RNF180: variants seen among roughly 807,000 people sequenced by gnomAD.
RNF180 encodes the protein ring finger protein 180.
RNF180 carries 38 observed loss-of-function variants against 59.2 expected under a neutral mutation model. That is an observed-to-expected ratio of 0.64 (90% CI 0.50 to 0.84). The LOEUF is 0.84. RNF180 is among the 40% of genes least tolerant of loss of function. The probability of loss-of-function intolerance (pLI) is 0.00; values close to 1 mark genes in which losing one functional copy is unlikely to be tolerated. For missense variants in RNF180, 705 were observed against 700.9 expected (o/e 1.01, Z -0.07); for synonymous variants, 262 against 240.3 (o/e 1.09, Z -0.84).
intron 5 of RNF180, among the ~76,000 whole-genome samples, chr5:64,298,045 C>T (rs998209393): frequency 1.3e-5 from 2 of 151,784 alleles, no homozygotes; most frequent in Admixed American, 6.6e-5. Context: ...TGATCTTCTC[C>T]CTCCTCCCAC....
intron 5 of RNF180, among the ~76,000 whole-genome samples, chr5:64,281,067 T>C (rs1741983949): frequency 6.6e-6 from 1 of 152,214 alleles, no homozygotes; most frequent in African/African-American, 2.4e-5. Flanking sequence ...TGTGTGGTTA[T>C]TGTGAATGGG....
intron 7 of RNF180, among the ~76,000 whole-genome samples, chr5:64,353,704 TAA>T (rs1297694748): frequency 6.6e-6 from 1 of 151,808 alleles, no homozygotes; most frequent in Non-Finnish European, 1.5e-5. Context: ...TCATGCAAGT[TAA>T]AAAGACATCG....
chr5:64,255,812 A>G (rs1285265095), intron 5 of RNF180, among the ~76,000 whole-genome samples: 6 of 152,228 alleles, frequency 3.9e-5, no homozygotes, highest in Admixed American at 3.9e-4. Flanking sequence ...TTACATTCCC[A>G]CAAACAGTGT....
At chr5:64,254,129 A>G (rs1009217469) in intron 5 of RNF180, among the ~76,000 whole-genome samples, 2 of 152,206 alleles carry the variant, frequency 1.3e-5, no homozygotes, top group Non-Finnish European at 2.9e-5. Context: ...ATTCATTCAC[A>G]TAAAAGGTTG....
At chr5:64,225,089 G>A (rs1242475562) in intron 5 of RNF180, among the ~76,000 whole-genome samples, 1 of 152,168 alleles carries the variant, frequency 6.6e-6, no homozygotes, top group Non-Finnish European at 1.5e-5. Context: ...TTTATGTAAA[G>A]CCAGCTTGTT....
At chr5:64,189,108 C>A (rs1751011635) in intron 1 of RNF180, among the ~76,000 whole-genome samples, 2 of 151,926 alleles carry the variant, frequency 1.3e-5, no homozygotes, top group Non-Finnish European at 2.9e-5. Context: ...CAGAAAGAAA[C>A]CCTGCCAATA....
rs1385202569 is a variant in RNF180 at position 64,368,930 on chromosome 5, T to C, written c.1580-685T>C. Among the ~76,000 whole-genome samples the C allele has an allele frequency of 5.9e-5, 9 of 152,160 alleles. No homozygotes were observed. In the East Asian group the frequency reaches 1.7e-3, roughly 30 times the overall value. ...GTCCTCAGGGATCTGGAACTAGAAA[T>C]ACCATTTGACCCAGCCATCCCATTA... On this transcript the variant is annotated intron_variant, in intron 7 of 7. Coordinates refer to ENST00000389100, the MANE Select transcript of RNF180 (RefSeq NM_001113561.2).
At chr5:64,169,857 G>A (rs376796455) in intron 1 of RNF180, among the ~76,000 whole-genome samples, 12 of 152,306 alleles carry the variant, frequency 7.9e-5, no homozygotes, top group East Asian at 3.9e-4. Context: ...AGGCTATTTC[G>A]CGGGATAAAT....
intron 5 of RNF180, among the ~76,000 whole-genome samples, chr5:64,229,067 A>G (rs563658573): frequency 6.6e-6 from 1 of 151,930 alleles, no homozygotes; most frequent in Admixed American, 6.6e-5. Context: ...AACTACAGGC[A>G]CACATCACCA....
intron 5 of RNF180, among the ~76,000 whole-genome samples, chr5:64,271,921 C>T (rs1021441529): frequency 2.0e-5 from 3 of 152,134 alleles, no homozygotes; most frequent in East Asian, 3.9e-4. Flanking sequence ...CCAGCAATAA[C>T]CCTTCCTCTT....
At chr5:64,200,212 C>T (rs1579986346) in intron 1 of RNF180, among the ~76,000 whole-genome samples, 2 of 152,038 alleles carry the variant, frequency 1.3e-5, no homozygotes, top group East Asian at 3.9e-4. Context: ...AGGGGGATTG[C>T]TTGGAAAGCC....
At chr5:64,280,558 G>C (rs769253638) in intron 5 of RNF180, among the ~76,000 whole-genome samples, 1 of 151,954 alleles carries the variant, frequency 6.6e-6, no homozygotes, top group Non-Finnish European at 1.5e-5. Flanking sequence ...TTATTGAATA[G>C]GGAGTCTTTT....
rs544496663 is a variant in RNF180 at position 64,316,631 on chromosome 5, A to G, written c.1228-8555A>G. Among the ~76,000 whole-genome samples, 5 of 152,320 alleles carry G rather than the reference A, an allele frequency of 3.3e-5. No individual in the cohort carries two copies. In the East Asian group the frequency reaches 7.7e-4, roughly 24 times the overall value. ...ACAGATACAAGACTTTGGATATGCT[A>G]TAGCTTAGGTCACTTATTTTTAACC... On this transcript the variant is annotated intron_variant, in intron 5 of 7. Transcript: ENST00000389100.
Position 64,195,315 on chromosome 5 carries a change from A to G in RNF180, c.1-5493A>G, listed in dbSNP as rs895273295. Among the ~76,000 whole-genome samples, 4 of 152,316 alleles carry G rather than the reference A, an allele frequency of 2.6e-5. No individual in the cohort carries two copies. In the East Asian group the frequency reaches 7.7e-4, roughly 29 times the overall value. On this transcript the variant is annotated intron_variant, in intron 1 of 7. Transcript: ENST00000389100. ...CATTTTTAAACCAAGCATATTTACT[A>G]ATATAGGAAAGTTTTATATACCAAG...
intron 7 of RNF180, among the ~76,000 whole-genome samples, chr5:64,343,222 G>A (rs1324333856): frequency 6.6e-6 from 1 of 151,950 alleles, no homozygotes; most frequent in Non-Finnish European, 1.5e-5. Flanking sequence ...GGAAAAAAGT[G>A]TTAATGAAAA....
chr5:64,185,923 A>G (rs1750848344), intron 1 of RNF180, among the ~76,000 whole-genome samples: 1 of 152,226 alleles, frequency 6.6e-6, no homozygotes, highest in Admixed American at 6.5e-5. Flanking sequence ...AGAGCAAACA[A>G]TAAAAGTGCT....
intron 5 of RNF180, among the ~76,000 whole-genome samples, chr5:64,268,812 G>A (rs954790893): frequency 6.6e-6 from 1 of 152,112 alleles, no homozygotes; most frequent in Non-Finnish European, 1.5e-5. Flanking sequence ...CCTGACTTCA[G>A]TCCCTCTAAA....
intron 6 of RNF180, 94 bp downstream of exon 6, chr5:64,325,505 CATATA>C: frequency 1.1e-6 from 1 of 880,544 alleles, no homozygotes; most frequent in Admixed American, 2.3e-5. Context: ...CTGAAAATCA[CATATA>C]CCATAATTTG....
chr5:64,289,334 A>T (rs1026623192), intron 5 of RNF180, among the ~76,000 whole-genome samples: 2 of 152,144 alleles, frequency 1.3e-5, no homozygotes, highest in African/African-American at 4.8e-5. Context: ...TTCATCAGAG[A>T]TATTGGCCTG....
Sources: gnomAD v4.1 joint callset for allele counts (sites outside exome capture counted in the v4.1 genomes callset) on GRCh38, gnomAD v4.1.1 for gene constraint, MANE v1.5 for transcripts, NCBI Gene and HGNC (gene_info 2026-07-23, HGNC 2026-07-21) for gene names.